Variants in LEF1 observed in about 807,000 individuals in gnomAD.
LEF1 encodes the protein lymphoid enhancer-binding factor 1.
Under a neutral mutation model 51.2 loss-of-function variants are expected in LEF1, and 14 were observed. The ratio of observed to expected loss-of-function variants is 0.27; its 90% CI spans 0.18 to 0.43. LEF1 has a LOEUF of 0.43. Ranked by LOEUF, LEF1 falls within the 20% of genes least tolerant of loss-of-function variation. The probability of loss-of-function intolerance (pLI) is 1.00; values close to 1 mark genes in which losing one functional copy is unlikely to be tolerated. For missense variants in LEF1, 386 were observed against 512.0 expected (o/e 0.75, Z 2.37); for synonymous variants, 185 against 183.2 (o/e 1.01, Z -0.08).
chr4:108,117,644 C>G (rs1477327153), intron 3 of LEF1, among the ~76,000 whole-genome samples: 1 of 152,220 alleles, frequency 6.6e-6, no homozygotes, highest in African/African-American at 2.4e-5. Flanking sequence ...CCAGGAATGT[C>G]TGACCTTTCC....
At chr4:108,120,825 A>C (rs1051784490) in intron 3 of LEF1, among the ~76,000 whole-genome samples, 5 of 152,240 alleles carry the variant, frequency 3.3e-5, no homozygotes, top group Non-Finnish European at 7.3e-5. Flanking sequence ...TGTCAAGCTT[A>C]TGTTGCGGAA....
At chr4:108,091,867 A>T (rs1243466510) in intron 3 of LEF1, among the ~76,000 whole-genome samples, 3 of 152,236 alleles carry the variant, frequency 2.0e-5, no homozygotes, top group Non-Finnish European at 4.4e-5. Flanking sequence ...AAATCGATAG[A>T]TTTCAAATAT....
intron 3 of LEF1, among the ~76,000 whole-genome samples, chr4:108,093,660 A>G (rs1316369782): frequency 6.6e-6 from 1 of 152,156 alleles, no homozygotes; most frequent in African/African-American, 2.4e-5. Flanking sequence ...GAGTTAGGCC[A>G]AAACCCTTGG....
intron 11 of LEF1, among the ~76,000 whole-genome samples, chr4:108,054,422 C>A (rs1374339825): frequency 6.6e-6 from 1 of 152,236 alleles, no homozygotes; most frequent in Non-Finnish European, 1.5e-5. Context: ...TACTCGCCAG[C>A]TGCATGGCCC....
At chr4:108,094,982 T>C (rs990730267) in intron 3 of LEF1, among the ~76,000 whole-genome samples, 1 of 152,194 alleles carries the variant, frequency 6.6e-6, no homozygotes, top group Non-Finnish European at 1.5e-5. Context: ...AAAGGATACA[T>C]TGATTCTTGC....
At chr4:108,092,466 C>A (rs1048405161) in intron 3 of LEF1, among the ~76,000 whole-genome samples, 2 of 152,136 alleles carry the variant, frequency 1.3e-5, no homozygotes, top group African/African-American at 4.8e-5. Context: ...ATCATCATCA[C>A]AGTCAAGATT....
intron 9 of LEF1, 114 bp from the exon 10 acceptor site, chr4:108,064,498 C>T (rs1345369803): frequency 1.4e-6 from 1 of 697,754 alleles, no homozygotes; most frequent in Non-Finnish European, 2.5e-6. Flanking sequence ...GACTCATTCT[C>T]TCTCCCTCTT....
At chr4:108,059,190 C>T (rs944364823) in intron 11 of LEF1, among the ~76,000 whole-genome samples, 10 of 152,196 alleles carry the variant, frequency 6.6e-5, no homozygotes, top group African/African-American at 2.2e-4. Context: ...TACGGGGAGA[C>T]AGGAACACAA....
chr4:108,124,837 A>G (rs1441958219), intron 3 of LEF1, among the ~76,000 whole-genome samples: 1 of 152,200 alleles, frequency 6.6e-6, no homozygotes, highest in South Asian at 2.1e-4. Context: ...CCAAAGGTCA[A>G]CTTGGACCTA....
intron 3 of LEF1, among the ~76,000 whole-genome samples, chr4:108,150,273 T>G (rs1191315534): frequency 6.6e-6 from 1 of 152,196 alleles, no homozygotes; most frequent in Non-Finnish European, 1.5e-5. Context: ...CAACATCATT[T>G]GCCAAAAAGA....
chr4:108,107,081 G>C (rs2110305519), intron 3 of LEF1, among the ~76,000 whole-genome samples: 1 of 152,248 alleles, frequency 6.6e-6, no homozygotes, highest in South Asian at 2.1e-4. Context: ...AAGATAAAAA[G>C]ACTCATTGAT....
intron 3 of LEF1, among the ~76,000 whole-genome samples, chr4:108,091,456 A>G (rs1007804837): frequency 1.5e-4 from 7 of 46,948 alleles, no homozygotes; most frequent in East Asian, 1.2e-3. Context: ...GGGGGGGGGA[A>G]AAAAAAGGAA....
In LEF1 at chr4:108,092,939, A is replaced by AAAAC. The variant is rs1553952205; in HGVS notation, c.415-3683_415-3682insGTTT. Among the ~76,000 whole-genome samples the AAAAC allele has an allele frequency of 7.4e-4, 67 of 90,706 alleles. 4 individuals carry two copies. The highest frequency in any genetic ancestry group is 9.3e-4 in the African/African-American group (25 of 26,834). The allele number at this position is 90,706 out of a possible 152,430, so 59.5% of individuals were successfully genotyped here. A position where few individuals can be genotyped will look rare whatever the true frequency, so the allele number is the denominator to read the frequency against. On this transcript the variant is annotated intron_variant, in intron 3 of 11. Transcript: ENST00000265165. Reference sequence around the variant, plus strand: ...ATGTAAAAAAAAAAAAAAAAAAAAAAAAAAAAAAAAGACAAGCAAAATCTG... The same window carrying AAAAC: ...ATGTAAAAAAAAAAAAAAAAAAAAAAAAACAAAAAAAAAAGACAAGCAAAATCTG...
intron 11 of LEF1, among the ~76,000 whole-genome samples, chr4:108,062,033 G>C (rs1737725476): frequency 6.6e-6 from 1 of 152,206 alleles, no homozygotes; most frequent in Admixed American, 6.5e-5. Context: ...GTGAGTCTGA[G>C]CTCCAACTGT....
intron 11 of LEF1, among the ~76,000 whole-genome samples, chr4:108,059,569 C>G (rs554149579): frequency 5.1e-4 from 78 of 152,254 alleles, no homozygotes; most frequent in African/African-American, 1.9e-3. Context: ...GGTATATACC[C>G]TCTGCCTCCC....
In LEF1 at chr4:108,120,977, G is replaced by A. The variant is rs536080584; in HGVS notation, c.415-31720C>T. Among the ~76,000 whole-genome samples, 14 of 152,310 alleles carry A rather than the reference G, an allele frequency of 9.2e-5. No individual in the cohort carries two copies. The South Asian group carries it at 2.9e-3, about 32-fold the overall frequency. On this transcript the variant is annotated intron_variant, in intron 3 of 11. Coordinates refer to ENST00000265165, the MANE Select transcript of LEF1 (RefSeq NM_016269.5). ...TAACCAAGTCTGAAGAGCCACAGCT[G>A]ACCTGTCAATCATTCTGCAAAGTAA...
intron 3 of LEF1, among the ~76,000 whole-genome samples, chr4:108,108,468 C>T (rs561612857): frequency 1.6e-4 from 25 of 152,184 alleles, no homozygotes; most frequent in African/African-American, 6.0e-4. Context: ...CTTGATTTTT[C>T]CTATCCAACC....
intron 3 of LEF1, among the ~76,000 whole-genome samples, chr4:108,146,877 G>C (rs1560822806): frequency 6.6e-6 from 1 of 152,158 alleles, no homozygotes; most frequent in Non-Finnish European, 1.5e-5. Context: ...TCTAAAGTCT[G>C]GTACCATAAG....
At position 108,079,872 on chromosome 4, in the gene LEF1, T is replaced by C. The variant is rs1739171001; in HGVS notation, c.723-258A>G. 3.3e-5 allele frequency among the ~76,000 whole-genome samples: 5 copies of C among 152,192 alleles called. No individual in the cohort carries two copies. In the South Asian group the frequency reaches 1.0e-3, roughly 31 times the overall value. On this transcript the variant is annotated intron_variant, in intron 6 of 11. Coordinates refer to ENST00000265165, the MANE Select transcript of LEF1 (RefSeq NM_016269.5). ...TTTCACGAAAAGTAATTATTGGAAA[T>C]ATAACACTTTATTTAAGACTTGACT... is the stretch of plus-strand genomic sequence containing the variant.
Sources: gnomAD v4.1 joint callset for allele counts (sites outside exome capture counted in the v4.1 genomes callset) on GRCh38, gnomAD v4.1.1 for gene constraint, MANE v1.5 for transcripts, NCBI Gene and HGNC (gene_info 2026-07-23, HGNC 2026-07-21) for gene names.